Variants in DPP10 observed in about 807,000 individuals in gnomAD.
The protein encoded by DPP10 is inactive dipeptidyl peptidase 10.
Under a neutral mutation model 120.9 loss-of-function variants are expected in DPP10, and 33 were observed. The ratio of observed to expected loss-of-function variants is 0.27; its 90% confidence interval spans 0.21 to 0.37. DPP10 has a LOEUF of 0.37. Among genes scored for constraint, DPP10 ranks in the 10% least tolerant of loss-of-function variants. The probability of loss-of-function intolerance (pLI) is 1.00; values close to 1 mark genes in which losing one functional copy is unlikely to be tolerated. For missense variants in DPP10, 816 were observed against 942.8 expected (o/e 0.87, Z 1.76); for synonymous variants, 337 against 326.1 (o/e 1.03, Z -0.36).
chr2:114,963,234 G>A lies in DPP10; in HGVS notation c.61-346005G>A, dbSNP rs115422617. Among the ~76,000 whole-genome samples, 343 of 152,280 alleles carry A rather than the reference G, an allele frequency of 2.3e-3. 1 individual carries two copies. The highest frequency in any genetic ancestry group is 7.9e-3 in the African/African-American group (329 of 41,554). On this transcript the variant is annotated intron_variant, in intron 1 of 25. Coordinates refer to ENST00000410059, the MANE Select transcript of DPP10 (RefSeq NM_020868.6). The stretch of plus-strand genomic sequence containing the variant: ...ATGTGAAAGCTGACGTTTCACCAGA[G>A]CCACAGGGACGTTAAAGTTTAAAAC...
Position 114,797,698 on chromosome 2 carries a change from CATAAA to C in DPP10, c.60+354867_60+354871del, listed in dbSNP as rs549931738. ...AAAGAAATGACTTCATAAATAAATA[CATAAA>C]ATAAAAGTGTCAAGTCATGCTTACA... On this transcript the variant is annotated intron_variant, in intron 1 of 25. Coordinates refer to ENST00000410059, the MANE Select transcript of DPP10 (RefSeq NM_020868.6). Among the ~76,000 whole-genome samples, 195 of 152,248 alleles carry C rather than the reference CATAAA, an allele frequency of 1.3e-3. 1 individual carries two copies. Among genetic ancestry groups the C allele is most frequent in the Middle Eastern group, 6.8e-3 (2 of 294 alleles).
intron 5 of DPP10, among the ~76,000 whole-genome samples, chr2:115,570,805 G>T (rs1378911500): frequency 6.6e-6 from 1 of 152,322 alleles, no homozygotes; most frequent in East Asian, 1.9e-4. Context: ...CAATTTGAAT[G>T]AACAAATAAT....
chr2:114,460,071 A>G (rs1023206339), intron 1 of DPP10, among the ~76,000 whole-genome samples: 1 of 152,206 alleles, frequency 6.6e-6, no homozygotes, highest in African/African-American at 2.4e-5. Flanking sequence ...GATTATAACC[A>G]GCAATACGCT....
At chr2:115,616,489 T>TAA (rs1057361211) in intron 5 of DPP10, among the ~76,000 whole-genome samples, 1 of 142,608 alleles carries the variant, frequency 7.0e-6, no homozygotes, top group African/African-American at 2.6e-5. Flanking sequence ...CATTTCAGCC[T>TAA]AAAAAAAAAA....
chr2:115,426,044 A>G (rs182240619), intron 3 of DPP10, among the ~76,000 whole-genome samples: 142 of 140,166 alleles, frequency 1.0e-3, no homozygotes, highest in Middle Eastern at 4.5e-3. Flanking sequence ...CACCTCCGAC[A>G]CTGGAGATGA....
chr2:115,237,671 C>T (rs1003609588), intron 1 of DPP10, among the ~76,000 whole-genome samples: 3 of 152,162 alleles, frequency 2.0e-5, no homozygotes, highest in African/African-American at 7.2e-5. Flanking sequence ...AAAAGTGCTA[C>T]TCCAGTGAAT....
At chr2:115,812,617 A>C (rs1339601043) in intron 19 of DPP10, among the ~76,000 whole-genome samples, 1 of 152,232 alleles carries the variant, frequency 6.6e-6, no homozygotes, top group Non-Finnish European at 1.5e-5. Flanking sequence ...AAATACATTT[A>C]AAAAGAAAAT....
At chr2:114,958,029 T>C (rs990539451) in intron 1 of DPP10, among the ~76,000 whole-genome samples, 1 of 152,144 alleles carries the variant, frequency 6.6e-6, no homozygotes, top group African/African-American at 2.4e-5. Context: ...TGGGGTTTAA[T>C]TGAGCAATGA....
At chr2:115,294,973 A>G (rs2060820257) in intron 1 of DPP10, among the ~76,000 whole-genome samples, 2 of 152,052 alleles carry the variant, frequency 1.3e-5, no homozygotes. Flanking sequence ...GAATGAAAAT[A>G]TTTTTAAAAA....
intron 1 of DPP10, among the ~76,000 whole-genome samples, chr2:115,223,133 A>G (rs1350386138): frequency 6.6e-6 from 1 of 151,978 alleles, no homozygotes; most frequent in Non-Finnish European, 1.5e-5. Flanking sequence ...TTATTTTTGG[A>G]CTCAGAATAG....
intron 5 of DPP10, among the ~76,000 whole-genome samples, chr2:115,660,470 G>T (rs932313025): frequency 6.6e-6 from 1 of 152,068 alleles, no homozygotes; most frequent in Non-Finnish European, 1.5e-5. Context: ...AGGGGATGGA[G>T]ATTTCTCCCC....
chr2:115,348,709 TA>T lies in DPP10; in HGVS notation c.271+4805del, dbSNP rs58924423. 7.5e-4 allele frequency among the ~76,000 whole-genome samples: 114 copies of T among 152,062 alleles called. 2 individuals carry two copies. The East Asian group carries it at 0.011, about 15-fold the overall frequency. The stretch of plus-strand genomic sequence containing the variant: ...ATAAACAATTAAAATTATCATTTGA[TA>T]AAAAAAAGTTGTAAATTTTAAATAC... On this transcript the variant is annotated intron_variant, in intron 3 of 25. Transcript: ENST00000410059.
intron 1 of DPP10, among the ~76,000 whole-genome samples, chr2:114,759,445 C>A (rs754001631): frequency 6.6e-6 from 1 of 151,616 alleles, no homozygotes; most frequent in Non-Finnish European, 1.5e-5. Context: ...ATTAAGGAGT[C>A]CAAGACGGGT....
intron 1 of DPP10, among the ~76,000 whole-genome samples, chr2:114,789,240 G>T (rs900337424): frequency 2.8e-4 from 42 of 152,288 alleles, no homozygotes; most frequent in African/African-American, 9.1e-4. Context: ...ACAAATACAT[G>T]CTCTCTTACC....
intron 1 of DPP10, among the ~76,000 whole-genome samples, chr2:114,731,742 TCC>T (rs890440079): frequency 6.6e-6 from 1 of 152,004 alleles, no homozygotes; most frequent in African/African-American, 2.4e-5. Context: ...TACTCACAGG[TCC>T]CAGAGAAGAG....
intron 1 of DPP10, among the ~76,000 whole-genome samples, chr2:114,984,232 ATAAT>A (rs1700263829): frequency 6.6e-6 from 1 of 152,174 alleles, no homozygotes; most frequent in South Asian, 2.1e-4. Flanking sequence ...ATTTTGCCAG[ATAAT>A]TAATATAGAA....
At chr2:114,930,708 C>G (rs1696004064) in intron 1 of DPP10, among the ~76,000 whole-genome samples, 1 of 152,116 alleles carries the variant, frequency 6.6e-6, no homozygotes, top group South Asian at 2.1e-4. Flanking sequence ...GTAGGCTGTA[C>G]AAGAAGCATG....
At chr2:115,442,726 C>G (rs1028364340) in intron 3 of DPP10, among the ~76,000 whole-genome samples, 1 of 152,132 alleles carries the variant, frequency 6.6e-6, no homozygotes, top group African/African-American at 2.4e-5. Flanking sequence ...GATCTATGTA[C>G]AGTTACTCTC....
chr2:114,983,110 A>T (rs946371268), intron 1 of DPP10, among the ~76,000 whole-genome samples: 3 of 152,138 alleles, frequency 2.0e-5, no homozygotes, highest in Non-Finnish European at 4.4e-5. Context: ...TATACACTTG[A>T]TTATTAATTT....
Sources: gnomAD v4.1 joint callset for allele counts (sites outside exome capture counted in the v4.1 genomes callset) on GRCh38, gnomAD v4.1.1 for gene constraint, MANE v1.5 for transcripts, NCBI Gene and HGNC (gene_info 2026-07-23, HGNC 2026-07-21) for gene names.